Variants in LPP observed in about 807,000 individuals in gnomAD.
LPP encodes lipoma-preferred partner.
A neutral mutation model predicts 60.4 loss-of-function variants in LPP; 38 were observed. The ratio of observed to expected loss-of-function variants is 0.63; its 90% CI spans 0.49 to 0.83. The LOEUF (loss-of-function observed/expected upper bound fraction) is 0.83. LPP is among the 40% of genes least tolerant of loss of function. The pLI is 0.00. For missense variants in LPP, 902 were observed against 783.6 expected (o/e 1.15, Z -1.80); for synonymous variants, 328 against 290.8 (o/e 1.13, Z -1.30).
At chr3:188,251,734 A>G (rs778440801) in intron 2 of LPP, among the ~76,000 whole-genome samples, 29 of 151,908 alleles carry the variant, frequency 1.9e-4, no homozygotes, top group Admixed American at 2.0e-4. Flanking sequence ...CTCTTCAGGG[A>G]TTACCTGGAT....
intron 3 of LPP, among the ~76,000 whole-genome samples, chr3:188,374,702 T>C (rs1385956121): frequency 6.6e-6 from 1 of 152,190 alleles, no homozygotes; most frequent in African/African-American, 2.4e-5. Flanking sequence ...CTTTATTTCC[T>C]TCTCCTGCCT....
intron 2 of LPP, among the ~76,000 whole-genome samples, chr3:188,236,671 G>T (rs1421378845): frequency 6.6e-6 from 1 of 152,172 alleles, no homozygotes; most frequent in Non-Finnish European, 1.5e-5. Flanking sequence ...CTATACTGTA[G>T]TCTCTTAAGT....
rs892594558 is a variant in LPP at position 188,878,108 on chromosome 3, C to A, written c.*3629C>A. The A allele has an allele frequency of 4.5e-6, 1 of 221,034 alleles. No homozygotes were observed. The highest frequency in any genetic ancestry group is 2.2e-5 in the African/African-American group (1 of 44,596). 13.7% of individuals were successfully genotyped at this position (221,034 alleles called of 1,614,324 possible). A position where few individuals can be genotyped will look rare whatever the true frequency, so the allele number is the denominator to read the frequency against. On this transcript the variant is annotated 3_prime_UTR_variant, in exon 12 of 12. Transcript: ENST00000617246. ...TAGTAGAGAGTTAGTGGAATATAGA[C>A]AGGACTCTGAAAACACAACTTCCAG...
intron 6 of LPP, among the ~76,000 whole-genome samples, chr3:188,605,286 T>G (rs1842178140): frequency 6.6e-6 from 1 of 152,132 alleles, no homozygotes; most frequent in Non-Finnish European, 1.5e-5. Context: ...TGGTAAAATG[T>G]GGACATATTT....
chr3:188,873,291 G>A (rs1435799309), intron 11 of LPP, among the ~76,000 whole-genome samples: 1 of 152,106 alleles, frequency 6.6e-6, no homozygotes, highest in Non-Finnish European at 1.5e-5. Flanking sequence ...TGGATACCCC[G>A]TTAACTTAAA....
intron 7 of LPP, among the ~76,000 whole-genome samples, chr3:188,684,481 A>G (rs923609868): frequency 1.3e-5 from 2 of 152,198 alleles, no homozygotes; most frequent in South Asian, 2.1e-4. Flanking sequence ...GTCTTTCTGT[A>G]CTTGAAAACT....
intron 3 of LPP, among the ~76,000 whole-genome samples, chr3:188,363,052 AC>A (rs1770000245): frequency 6.6e-6 from 1 of 150,698 alleles, no homozygotes; most frequent in Non-Finnish European, 1.5e-5. Flanking sequence ...TTTTTTTACA[AC>A]TGATGGGAAG....
intron 6 of LPP, among the ~76,000 whole-genome samples, chr3:188,539,300 T>C (rs897078992): frequency 6.6e-6 from 1 of 152,188 alleles, no homozygotes; most frequent in Admixed American, 6.5e-5. Flanking sequence ...CTAACAGTTA[T>C]AGTACTTAAG....
chr3:188,327,800 A>G (rs1373472634), intron 2 of LPP, among the ~76,000 whole-genome samples: 3 of 152,180 alleles, frequency 2.0e-5, no homozygotes, highest in Admixed American at 6.5e-5. Context: ...GAGAGGGAAC[A>G]TAAGTCCTGT....
chr3:188,407,526 A>G (rs1464415307), intron 4 of LPP, among the ~76,000 whole-genome samples: 1 of 152,230 alleles, frequency 6.6e-6, no homozygotes, highest in Non-Finnish European at 1.5e-5. Flanking sequence ...CGAGACCCTC[A>G]GAAAGCTGCT....
chr3:188,533,629 G>T (rs1822794051), intron 6 of LPP, among the ~76,000 whole-genome samples: 1 of 152,204 alleles, frequency 6.6e-6, no homozygotes, highest in Admixed American at 6.5e-5. Context: ...CCTCTGGTAT[G>T]TGATGTTAAG....
intron 2 of LPP, among the ~76,000 whole-genome samples, chr3:188,276,859 C>G (rs893049885): frequency 6.2e-5 from 9 of 146,304 alleles, no homozygotes; most frequent in Admixed American, 3.4e-4. Context: ...AACTGTGAGC[C>G]AATAATTCAA....
At chr3:188,607,392 T>G (rs1418105042) in intron 6 of LPP, among the ~76,000 whole-genome samples, 20 of 31,030 alleles carry the variant, frequency 6.4e-4, no homozygotes, top group African/African-American at 2.7e-3. Context: ...TATATATATA[T>G]ATATATATAT....
chr3:188,825,699 C>G (rs896508203), intron 9 of LPP, among the ~76,000 whole-genome samples: 3 of 152,028 alleles, frequency 2.0e-5, no homozygotes, highest in Admixed American at 6.6e-5. Flanking sequence ...CAAACCTTTA[C>G]CATGGGTACC....
intron 7 of LPP, among the ~76,000 whole-genome samples, chr3:188,628,308 AAGCT>A (rs1186194932): frequency 6.6e-6 from 1 of 152,000 alleles, no homozygotes; most frequent in African/African-American, 2.4e-5. Flanking sequence ...CTAAAACCAA[AAGCT>A]GTTTTTTTTT....
intron 4 of LPP, among the ~76,000 whole-genome samples, chr3:188,441,371 T>C (rs1578912934): frequency 2.6e-5 from 4 of 152,008 alleles, no homozygotes; most frequent in Admixed American, 2.6e-4. Context: ...AAGTTGAATG[T>C]TTATGTATTC....
At chr3:188,766,166 C>T (rs1265093810) in intron 9 of LPP, among the ~76,000 whole-genome samples, 1 of 151,850 alleles carries the variant, frequency 6.6e-6, no homozygotes, top group Non-Finnish European at 1.5e-5. Flanking sequence ...CCATCACACC[C>T]AGCCCATGTT....
chr3:188,575,264 A>T lies in LPP; in HGVS notation c.430-33897A>T, dbSNP rs544571388. Among the ~76,000 whole-genome samples the T allele has an allele frequency of 1.7e-4, 26 of 152,306 alleles. No homozygotes were observed. The East Asian group carries it at 4.8e-3, about 28-fold the overall frequency. ...TTTTTCTCTGAAGTTGTAAATTAAA[A>T]AGAAAACAAAACTTATTTTGATTTT... On this transcript the variant is annotated intron_variant, in intron 6 of 11. Transcript: ENST00000617246.
intron 9 of LPP, among the ~76,000 whole-genome samples, chr3:188,773,119 G>A (rs1249030444): frequency 2.0e-5 from 3 of 152,184 alleles, no homozygotes; most frequent in Non-Finnish European, 2.9e-5. Context: ...AGGAGTTTGA[G>A]TGGAAGTTCT....
Sources: allele counts gnomAD v4.1 joint callset (sites outside exome capture counted in the v4.1 genomes callset), GRCh38; gene constraint gnomAD v4.1.1; transcripts MANE v1.5; gene names NCBI Gene and HGNC (gene_info 2026-07-23, HGNC 2026-07-21).